Variants in EYS observed in about 807,000 individuals in gnomAD.
EYS encodes EGF-like photoreceptor maintenance factor.
Under a neutral mutation model 282.1 loss-of-function variants are expected in EYS, and 250 were observed. The observed-to-expected ratio is 0.89, with a 90% CI of 0.80 to 0.98. EYS has a LOEUF of 0.98. EYS is among the 50% of genes least tolerant of loss of function. The probability of loss-of-function intolerance (pLI) is 0.00; values close to 1 mark genes in which losing one functional copy is unlikely to be tolerated. For missense variants in EYS, 4,016 were observed against 3,709.0 expected (o/e 1.08, Z -2.15); for synonymous variants, 1,355 against 1,282.9 (o/e 1.06, Z -1.20).
At chr6:64,701,648 G>A (rs1409132521) in intron 22 of EYS, among the ~76,000 whole-genome samples, 1 of 151,988 alleles carries the variant, frequency 6.6e-6, no homozygotes, top group Admixed American at 6.6e-5. Context: ...TAAAGAATGT[G>A]TACATATGGA....
chr6:63,901,074 A>G (rs766233182), intron 35 of EYS, among the ~76,000 whole-genome samples: 8 of 152,246 alleles, frequency 5.3e-5, no homozygotes, highest in Non-Finnish European at 1.5e-5. Flanking sequence ...GATATTAGAT[A>G]TAGCATACAA....
At chr6:65,110,320 C>A (rs1333068441) in intron 12 of EYS, among the ~76,000 whole-genome samples, 1 of 152,028 alleles carries the variant, frequency 6.6e-6, no homozygotes, top group African/African-American at 2.4e-5. Context: ...CAGGAAGATC[C>A]GAACCCTGAA....
chr6:64,516,444 T>C (rs1270602377), intron 26 of EYS, among the ~76,000 whole-genome samples: 3 of 151,828 alleles, frequency 2.0e-5, no homozygotes, highest in East Asian at 1.9e-4. Flanking sequence ...CCCCTGAACT[T>C]AAAATAAAAG....
At chr6:63,884,637 T>C (rs1397349193) in intron 35 of EYS, among the ~76,000 whole-genome samples, 2 of 152,224 alleles carry the variant, frequency 1.3e-5, no homozygotes, top group East Asian at 1.9e-4. Context: ...TTTAAAAATA[T>C]AAAGACCTCT....
At chr6:64,867,563 A>G (rs1175033865) in intron 19 of EYS, among the ~76,000 whole-genome samples, 1 of 151,728 alleles carries the variant, frequency 6.6e-6, no homozygotes, top group Admixed American at 6.6e-5. Flanking sequence ...TCCATTGTCA[A>G]TGAAATCTGA....
chr6:64,970,650 A>C (rs149713341), intron 14 of EYS, among the ~76,000 whole-genome samples: 11 of 152,320 alleles, frequency 7.2e-5, no homozygotes, highest in African/African-American at 2.4e-4. Context: ...TGATTTTTCA[A>C]AGTTCTTATA....
At chr6:64,736,806 G>A (rs1474677519) in intron 22 of EYS, among the ~76,000 whole-genome samples, 4 of 152,048 alleles carry the variant, frequency 2.6e-5, no homozygotes, top group East Asian at 1.9e-4. Context: ...AATCAGATAA[G>A]GGAAGCTTAC....
At chr6:65,576,745 A>G (rs945241560) in intron 2 of EYS, among the ~76,000 whole-genome samples, 1 of 151,928 alleles carries the variant, frequency 6.6e-6, no homozygotes, top group Non-Finnish European at 1.5e-5. Context: ...TACAAAATCA[A>G]CATACAAAAT....
At chr6:64,107,428 T>A (rs1314728108) in intron 31 of EYS, among the ~76,000 whole-genome samples, 3 of 149,782 alleles carry the variant, frequency 2.0e-5, no homozygotes, top group African/African-American at 7.4e-5. Context: ...GAACCTGGAG[T>A]CTGATGTTTG....
intron 33 of EYS, among the ~76,000 whole-genome samples, chr6:64,042,875 T>C (rs1770453218): frequency 6.6e-6 from 1 of 152,148 alleles, no homozygotes; most frequent in African/African-American, 2.4e-5. Flanking sequence ...TCCACTCCAC[T>C]TTCCTCATGT....
At chr6:65,558,269 G>A (rs909626064) in intron 2 of EYS, among the ~76,000 whole-genome samples, 11 of 152,236 alleles carry the variant, frequency 7.2e-5, no homozygotes, top group Admixed American at 5.9e-4. Context: ...AGCACCCAAA[G>A]CCTGGAGGGG....
chr6:63,925,490 C>T (rs1562098507), intron 35 of EYS, among the ~76,000 whole-genome samples: 1 of 152,118 alleles, frequency 6.6e-6, no homozygotes, highest in South Asian at 2.1e-4. Flanking sequence ...TAATTACTTT[C>T]ACGTATTTCT....
chr6:65,231,176 A>ATATATATTT (rs1399919082), intron 12 of EYS, among the ~76,000 whole-genome samples: 2 of 143,632 alleles, frequency 1.4e-5, no homozygotes, highest in African/African-American at 5.0e-5. Context: ...TATATTTTAT[A>ATATATATTT]TATATATAAA....
At chr6:64,780,368 A>G (rs1430222380) in intron 22 of EYS, among the ~76,000 whole-genome samples, 1 of 152,212 alleles carries the variant, frequency 6.6e-6, no homozygotes, top group East Asian at 1.9e-4. Flanking sequence ...ACTACTGAAG[A>G]AAGAATTATG....
intron 30 of EYS, among the ~76,000 whole-genome samples, chr6:64,285,162 T>G (rs1174340836): frequency 6.6e-6 from 1 of 152,158 alleles, no homozygotes; most frequent in Non-Finnish European, 1.5e-5. Flanking sequence ...CTGAATTCCT[T>G]TAACAACACC....
intron 41 of EYS, among the ~76,000 whole-genome samples, chr6:63,757,281 G>A (rs1365530085): frequency 1.3e-5 from 2 of 152,076 alleles, no homozygotes; most frequent in African/African-American, 4.8e-5. Context: ...CATAAGGACT[G>A]AAAGATGCCC....
intron 2 of EYS, among the ~76,000 whole-genome samples, chr6:65,615,912 C>T (rs1032378287): frequency 2.8e-5 from 4 of 142,718 alleles, no homozygotes; most frequent in Non-Finnish European, 4.5e-5. Context: ...CCAGCCTGGG[C>T]GAGAGAGCGA....
chr6:64,506,288 T>C (rs890279298), intron 26 of EYS, among the ~76,000 whole-genome samples: 1 of 152,270 alleles, frequency 6.6e-6, no homozygotes, highest in Admixed American at 6.5e-5. Context: ...ATTTTACCAC[T>C]CTATGCCCAC....
At chr6:63,886,609 G>C (rs1773267016) in intron 35 of EYS, among the ~76,000 whole-genome samples, 1 of 152,206 alleles carries the variant, frequency 6.6e-6, no homozygotes. Flanking sequence ...TGCTAAAGAA[G>C]TTAGTTTCTG....
Sources: allele counts gnomAD v4.1 joint callset (sites outside exome capture counted in the v4.1 genomes callset), GRCh38; gene constraint gnomAD v4.1.1; transcripts MANE v1.5; gene names NCBI Gene and HGNC (gene_info 2026-07-23, HGNC 2026-07-21).